The following FMO5 variants were observed in gnomAD, a reference collection of about 807,000 sequenced individuals.
The protein encoded by FMO5 is flavin containing dimethylaniline monoxygenase 5, also known as flavin-containing monooxygenase 5.
In FMO5, 51 loss-of-function variants were observed where a neutral mutation model predicts 43.6. That is an observed-to-expected ratio of 1.17 (90% CI 0.93 to 1.48). The LOEUF (loss-of-function observed/expected upper bound fraction) is 1.48. FMO5 is among the 40% of genes most tolerant of loss of function. The pLI is 0.00. For synonymous variants in FMO5, 187 were observed against 216.5 expected (o/e 0.86, Z 1.20); for missense variants, 644 against 643.0 (o/e 1.00, Z -0.02).
intron 8 of FMO5, among the ~76,000 whole-genome samples, chr1:147,187,823 G>C (rs1217344761): frequency 1.3e-5 from 2 of 152,172 alleles, no homozygotes; most frequent in African/African-American, 4.8e-5. Flanking sequence ...ATTTAAAAGG[G>C]CTTTTTAAAG....
intron 2 of FMO5, among the ~76,000 whole-genome samples, chr1:147,220,102 T>G (rs1553925924): frequency 6.6e-6 from 1 of 152,172 alleles, no homozygotes. Flanking sequence ...CCTCCCAAAG[T>G]GCTGGGATTA....
rs142319282 is a variant in FMO5 at position 147,187,120 on chromosome 1, A to G, written c.1382T>C (p.Leu461Ser). Residue 461 changes from leucine to serine, a missense_variant, in exon 9 of 9, where the codon TTA becomes TCA. Transcript: ENST00000254090. Reference protein sequence around the residue: ...SLAFTDPKLALHLLLGPCTPI... With the variant: ...SLAFTDPKLASHLLLGPCTPI... The stretch of plus-strand genomic sequence containing the variant: ...AGTGCAGGGTCCCAGTAATAAGTGT[A>G]ATGCCAGCTTGGGGTCAGTGAAGGC... 353 of 1,614,144 alleles carry G rather than the reference A, an allele frequency of 2.2e-4. No individual in the cohort carries two copies. The highest frequency in any genetic ancestry group is 2.8e-4 in the Non-Finnish European group (335 of 1,180,024).
At chr1:147,185,422 T>TGA (rs1553916847), downstream of FMO5, among the ~76,000 whole-genome samples, 42 of 152,158 alleles carry the variant, frequency 2.8e-4, no homozygotes, top group Non-Finnish European at 5.0e-4. Flanking sequence ...ACTAGGTCCA[T>TGA]TTTAATAGAT....
intron 6 of FMO5, chr1:147,204,176 G>A (rs1216218532): frequency 1.5e-6 from 2 of 1,333,784 alleles, no homozygotes; most frequent in East Asian, 4.6e-5. Flanking sequence ...TGTTCCCTTA[G>A]TTTCTGTTAT....
In FMO5 at chr1:147,213,376, ACATT is replaced by A; in HGVS notation, c.415_418del (p.Asn139SerfsTer51). ...AGTGCAAACCATGACTCCATCAAAG[ACATT>A]CATCTCCTTTTTCCCTTCAGATTCA... On this transcript the variant is annotated frameshift_variant, in exon 4 of 9. Coordinates refer to ENST00000254090, the MANE Select transcript of FMO5 (RefSeq NM_001461.4). LOFTEE classifies it high-confidence loss of function. 2 of 1,613,754 alleles carry A rather than the reference ACATT, an allele frequency of 1.2e-6. No individual in the cohort carries two copies. Among genetic ancestry groups the A allele is most frequent in the Non-Finnish European group, 1.7e-6 (2 of 1,179,850 alleles).
At chr1:147,185,394 A>G (rs587681911), downstream of FMO5, among the ~76,000 whole-genome samples, 4 of 152,278 alleles carry the variant, frequency 2.6e-5, no homozygotes, top group South Asian at 8.3e-4. Context: ...TTTGCTTTTG[A>G]TATGCAGATT....
At chr1:147,190,953 G>A (rs995947267) in intron 7 of FMO5, among the ~76,000 whole-genome samples, 2 of 151,928 alleles carry the variant, frequency 1.3e-5, no homozygotes, top group Non-Finnish European at 2.9e-5. Context: ...TTCTCCTTGT[G>A]ATAGTTTGCT....
At chr1:147,204,334 T>G in intron 6 of FMO5, 1 of 975,436 alleles carries the variant, frequency 1.0e-6, no homozygotes, top group Non-Finnish European at 1.7e-6. Flanking sequence ...TCTGATGTTA[T>G]CAACTTTGAA....
chr1:147,203,738 A>G, intron 6 of FMO5: 2 of 1,536,278 alleles, frequency 1.3e-6, no homozygotes, highest in Non-Finnish European at 1.8e-6. Context: ...AAGAACTTTG[A>G]AAGTATTAAC....
chr1:147,198,850 CAAAAAAAAAAAA>C (rs151035141), intron 7 of FMO5, among the ~76,000 whole-genome samples: 3 of 51,764 alleles, frequency 5.8e-5, no homozygotes, highest in Non-Finnish European at 7.3e-5. Flanking sequence ...GACTGCATCT[CAAAAAAAAAAAA>C]AAAAAAAAAA....
intron 7 of FMO5, among the ~76,000 whole-genome samples, chr1:147,197,673 T>C (rs1658242773): frequency 1.3e-5 from 2 of 152,150 alleles, no homozygotes; most frequent in African/African-American, 4.8e-5. Context: ...GATTGTAAGT[T>C]TCCTGAGGCC....
downstream of FMO5, chr1:147,184,310 C>A: frequency 1.9e-6 from 1 of 530,342 alleles, no homozygotes; most frequent in Non-Finnish European, 2.9e-6. The surrounding 1 kb of genome is among the most constrained non-coding windows in gnomAD (Gnocchi z 4.4). Flanking sequence ...TCATGTACCC[C>A]ACATCCAATT....
At chr1:147,193,157 T>C (rs1657234846) in intron 7 of FMO5, among the ~76,000 whole-genome samples, 2 of 152,192 alleles carry the variant, frequency 1.3e-5, no homozygotes, top group South Asian at 4.1e-4. Flanking sequence ...TTTTGGTTGG[T>C]AAGCTATTGA....
At chr1:147,218,673 A>G (rs1662452167) in intron 2 of FMO5, among the ~76,000 whole-genome samples, 1 of 152,172 alleles carries the variant, frequency 6.6e-6, no homozygotes, top group African/African-American at 2.4e-5. Context: ...AATTTAGCAC[A>G]TTTCACAATC....
intron 7 of FMO5, among the ~76,000 whole-genome samples, chr1:147,190,997 T>C (rs1282719362): frequency 1.3e-5 from 2 of 152,138 alleles, no homozygotes; most frequent in African/African-American, 4.8e-5. Flanking sequence ...TCCATGTCCC[T>C]ACAAAGGACA....
At chr1:147,226,583 G>A (rs1172958151), upstream of FMO5, among the ~76,000 whole-genome samples, 7 of 152,268 alleles carry the variant, frequency 4.6e-5, no homozygotes, top group East Asian at 1.9e-4. Flanking sequence ...GTTAGAACAA[G>A]GGCCCATCCA....
chr1:147,195,189 T>G (rs587659203), intron 7 of FMO5, among the ~76,000 whole-genome samples: 1 of 152,310 alleles, frequency 6.6e-6, no homozygotes, highest in East Asian at 1.9e-4. Context: ...CCATATTCCT[T>G]GGATGCTTTG....
At chr1:147,225,792 C>G (rs1246515488), upstream of FMO5, 3 of 152,220 alleles carry the variant, frequency 2.0e-5, no homozygotes, top group African/African-American at 7.2e-5. Context: ...TCCTCAGACA[C>G]CGAATTAAAG....
intron 6 of FMO5, among the ~76,000 whole-genome samples, chr1:147,202,989 C>T (rs1486158779): frequency 4.6e-5 from 7 of 152,150 alleles, no homozygotes; most frequent in Non-Finnish European, 1.0e-4. Flanking sequence ...CATCCCACTC[C>T]CACACCATTT....
Sources: allele counts gnomAD v4.1 joint callset (sites outside exome capture counted in the v4.1 genomes callset), GRCh38; gene constraint gnomAD v4.1.1; non-coding constraint Gnocchi (gnomAD v3.1); transcripts MANE v1.5; gene names NCBI Gene and HGNC (gene_info 2026-07-23, HGNC 2026-07-21).